TMCC1: variants seen among roughly 807,000 people sequenced by gnomAD.
TMCC1 encodes the protein transmembrane and coiled-coil domain family 1.
In TMCC1, 15 loss-of-function variants were observed where a neutral mutation model predicts 52.4. The ratio of observed to expected loss-of-function variants is 0.29; its 90% CI spans 0.19 to 0.44. TMCC1 has a LOEUF of 0.44. TMCC1 is among the 20% of genes least tolerant of loss of function. TMCC1 has a pLI of 1.00. For missense variants in TMCC1, 503 were observed against 806.0 expected (o/e 0.62, Z 4.55); for synonymous variants, 279 against 301.9 (o/e 0.92, Z 0.79).
chr3:129,670,526 C>T lies in TMCC1; in HGVS notation c.1315G>A (p.Gly439Ser). The change falls in exon 5 of 7, where the codon GGC becomes AGC. Residue 439 changes from glycine (G) to serine (S), a missense_variant. Physicochemically the swap from Gly to Ser is moderately conservative, Grantham distance 56. Around this residue, in one of 7 missense-constraint regions of TMCC1, gnomAD observed 121 missense variants for 193.6 expected, o/e 0.62. Transcript: ENST00000393238. ...GAGCTGGATGCTCCTACAGCGATGCCCCCTGTGGTGCTGTTGGCTCCCACT... is the reference window on the plus strand; with the variant it reads ...GAGCTGGATGCTCCTACAGCGATGCTCCCTGTGGTGCTGTTGGCTCCCACT... ...GSVGANSTTG[G>S]IAVGASSSKT... 7 of 1,614,162 alleles carry T rather than the reference C, an allele frequency of 4.3e-6. No homozygotes were observed. In the African/African-American group the frequency reaches 6.7e-5, roughly 15 times the overall value.
chr3:129,811,996 T>C (rs538573186), intron 4 of TMCC1, among the ~76,000 whole-genome samples: 28 of 150,710 alleles, frequency 1.9e-4, no homozygotes, highest in Non-Finnish European at 3.5e-4. Flanking sequence ...TGATTCTTAC[T>C]ATTCAATACT....
chr3:129,777,911 T>C (rs1341107522), intron 4 of TMCC1, among the ~76,000 whole-genome samples: 3 of 152,200 alleles, frequency 2.0e-5, no homozygotes, highest in African/African-American at 7.2e-5. Flanking sequence ...GGAACCCTTA[T>C]CTTGCATGCC....
intron 4 of TMCC1, among the ~76,000 whole-genome samples, chr3:129,814,568 G>A (rs1476182487): frequency 2.6e-5 from 4 of 152,092 alleles, no homozygotes; most frequent in Non-Finnish European, 5.9e-5. Flanking sequence ...AACACTGAAT[G>A]TAAATGGACT....
chr3:129,755,767 A>G (rs1451909305), intron 4 of TMCC1, among the ~76,000 whole-genome samples: 1 of 152,208 alleles, frequency 6.6e-6, no homozygotes, highest in African/African-American at 2.4e-5. Context: ...AAGAAATCTC[A>G]TTTGTTACTA....
At chr3:129,847,031 GA>G (rs1320409838) in intron 2 of TMCC1, 1 of 151,796 alleles carries the variant, frequency 6.6e-6, no homozygotes, top group Non-Finnish European at 1.5e-5. Flanking sequence ...ACATAATTTT[GA>G]AAAAAGAATG....
At chr3:129,839,358 T>C (rs1032170711) in intron 2 of TMCC1, among the ~76,000 whole-genome samples, 2 of 151,914 alleles carry the variant, frequency 1.3e-5, no homozygotes, top group Admixed American at 1.3e-4. Flanking sequence ...TATTTTAAAA[T>C]GTATAATGTA....
intron 4 of TMCC1, among the ~76,000 whole-genome samples, chr3:129,742,995 A>G (rs1209254257): frequency 2.0e-5 from 3 of 152,150 alleles, no homozygotes; most frequent in Non-Finnish European, 4.4e-5. Context: ...ATCTATAGGG[A>G]TAGAAAATAG....
chr3:129,740,165 T>C (rs978987731), intron 4 of TMCC1, among the ~76,000 whole-genome samples: 3 of 152,242 alleles, frequency 2.0e-5, no homozygotes, highest in Non-Finnish European at 4.4e-5. Context: ...GCATGGAGCC[T>C]GGGCCCAATA....
chr3:129,717,500 A>G (rs2049198200), intron 4 of TMCC1, among the ~76,000 whole-genome samples: 2 of 152,142 alleles, frequency 1.3e-5, no homozygotes, highest in South Asian at 2.1e-4. Context: ...AGACTCAAAA[A>G]TGTCACTTAC....
At chr3:129,714,836 GTA>G (rs2048949529) in intron 4 of TMCC1, among the ~76,000 whole-genome samples, 2 of 152,076 alleles carry the variant, frequency 1.3e-5, no homozygotes, top group Admixed American at 6.6e-5. Context: ...TAAACAGTCT[GTA>G]TTCTCCACAT....
intron 5 of TMCC1, among the ~76,000 whole-genome samples, chr3:129,658,219 T>C (rs1303805270): frequency 6.6e-6 from 1 of 152,212 alleles, no homozygotes; most frequent in Non-Finnish European, 1.5e-5. Context: ...TGTATGCATA[T>C]GAAGATCCCG....
chr3:129,865,143 T>C (rs961354404), intron 2 of TMCC1, among the ~76,000 whole-genome samples: 1 of 152,062 alleles, frequency 6.6e-6, no homozygotes, highest in Non-Finnish European at 1.5e-5. Flanking sequence ...GACTAGCCTC[T>C]TACACTCCCA....
intron 4 of TMCC1, among the ~76,000 whole-genome samples, chr3:129,676,036 C>CAAAAAAAAAA (rs61105005): frequency 4.3e-5 from 2 of 46,318 alleles, no homozygotes; most frequent in African/African-American, 1.6e-4. Context: ...GACTCTGTCT[C>CAAAAAAAAAA]AAAAAAAAAA....
rs1179793010 is a variant in TMCC1 at position 129,761,990 on chromosome 3, C to CA, written c.576+65812dup. Among the ~76,000 whole-genome samples, 518 of 76,034 alleles carry CA rather than the reference C, an allele frequency of 6.8e-3. 30 individuals carry two copies. The highest frequency in any genetic ancestry group is 0.021 in the African/African-American group (394 of 18,666). 49.9% of individuals were successfully genotyped at this position (76,034 alleles called of 152,430 possible). A position where few individuals can be genotyped will look rare whatever the true frequency, so the allele number is the denominator to read the frequency against. On this transcript the variant is annotated intron_variant, in intron 4 of 6. Coordinates refer to ENST00000393238, the MANE Select transcript of TMCC1 (RefSeq NM_001017395.5). The stretch of plus-strand genomic sequence containing the variant: ...TGGGTGACAGAGCAAGACTCTGTCT[C>CA]AAAAAAAAAAAAAAAAAAGTACTAG...
At chr3:129,764,781 ATATATATATTTTTTTTTTTT>A (rs1229434773) in intron 4 of TMCC1, among the ~76,000 whole-genome samples, 3 of 76,112 alleles carry the variant, frequency 3.9e-5, no homozygotes, top group Admixed American at 2.1e-4. Context: ...ATATATATAT[ATATATATATTTTTTTTTTTT>A]TTTTTTTTTT....
intron 4 of TMCC1, among the ~76,000 whole-genome samples, chr3:129,787,421 G>A (rs542985176): frequency 2.0e-5 from 3 of 152,112 alleles, no homozygotes; most frequent in Non-Finnish European, 4.4e-5. Flanking sequence ...GAGATTTCCT[G>A]TGCTACCACA....
chr3:129,674,387 A>T (rs2088220867), intron 4 of TMCC1, among the ~76,000 whole-genome samples: 1 of 152,190 alleles, frequency 6.6e-6, no homozygotes. Flanking sequence ...ACTAACCCAT[A>T]GCTTCAGCAG....
chr3:129,767,889 A>G (rs1375971770), intron 4 of TMCC1, among the ~76,000 whole-genome samples: 1 of 152,180 alleles, frequency 6.6e-6, no homozygotes, highest in East Asian at 1.9e-4. Flanking sequence ...CCCCAACTTA[A>G]AAAATAAATA....
intron 4 of TMCC1, among the ~76,000 whole-genome samples, chr3:129,815,070 ATAGAACACT>A (rs1174351182): frequency 6.6e-6 from 1 of 152,198 alleles, no homozygotes; most frequent in Non-Finnish European, 1.5e-5. Flanking sequence ...CCTGACATTT[ATAGAACACT>A]TCACCCAATT....
Sources: gnomAD v4.1 joint callset for allele counts (sites outside exome capture counted in the v4.1 genomes callset) on GRCh38, gnomAD v4.1.1 for gene constraint, gnomAD v4.1.1 regional missense constraint, MANE v1.5 for transcripts, NCBI Gene and HGNC (gene_info 2026-07-23, HGNC 2026-07-21) for gene names.